Variants in CYP3A5 observed in about 807,000 individuals in gnomAD.
CYP3A5 encodes the protein cytochrome P450 family 3 subfamily A member 5.
A neutral mutation model predicts 55.9 loss-of-function variants in CYP3A5; 51 were observed. The observed-to-expected ratio is 0.91, with a 90% CI of 0.73 to 1.15. The LOEUF is 1.15. CYP3A5 is among the 50% of genes most tolerant of loss of function. CYP3A5 has a pLI of 0.00. For synonymous variants in CYP3A5, 196 were observed against 213.9 expected (o/e 0.92, Z 0.73); for missense variants, 533 against 596.6 (o/e 0.89, Z 1.11).
chr7:99,663,267 A>G, intron 8 of CYP3A5: 1 of 1,010,742 alleles, frequency 9.9e-7, no homozygotes, highest in Non-Finnish European at 1.2e-6. Flanking sequence ...GTCCGTATAG[A>G]TTAATCTCCT....
chr7:99,675,702 C>G (rs1159360724), intron 2 of CYP3A5, among the ~76,000 whole-genome samples: 1 of 31,124 alleles, frequency 3.2e-5, no homozygotes, highest in Admixed American at 3.9e-4. Flanking sequence ...CTCTCTCTCT[C>G]TTTCTTTCTT....
chr7:99,650,236 G>GT lies in CYP3A5; in HGVS notation c.1254-5dup. On this transcript the variant is annotated splice_region_variant and splice_polypyrimidine_tract_variant and intron_variant, in intron 11 of 12. Transcript: ENST00000222982. ...GCTGTCCTTCTTCTTACTGAACCTA[G>GT]TTCCATATTGGTAGATTAAATAGTT... The GT allele has an allele frequency of 6.2e-7, 1 of 1,612,378 alleles. No individual in the cohort carries two copies. The highest frequency in any genetic ancestry group is 8.5e-7 in the Non-Finnish European group (1 of 1,178,954).
intron 11 of CYP3A5, chr7:99,652,198 T>C (rs1044319317): frequency 6.7e-6 from 1 of 149,218 alleles, no homozygotes; most frequent in Non-Finnish European, 1.5e-5. Context: ...CATATATATG[T>C]ATATTTATAG....
chr7:99,662,887 A>T lies in CYP3A5; in HGVS notation c.799-5T>A. ...CTGAAGGAAATCTAGTCGGTGCTAG[A>T]AGCAAAAGGAGAGATTTCTTTGGCA... is the stretch of plus-strand genomic sequence containing the variant. On this transcript the variant is annotated splice_region_variant and splice_polypyrimidine_tract_variant and intron_variant, in intron 8 of 12. Coordinates refer to ENST00000222982, the MANE Select transcript of CYP3A5 (RefSeq NM_000777.5). This position sits in a 1 kb window ranked among gnomAD's most constrained non-coding sequence, Gnocchi z 4.3. The T allele has an allele frequency of 6.2e-7, 1 of 1,613,708 alleles. No homozygotes were observed. The highest frequency in any genetic ancestry group is 8.5e-7 in the Non-Finnish European group (1 of 1,179,736).
chr7:99,652,469 C>T (rs1809286876), intron 11 of CYP3A5, 84 bp downstream of exon 11: 9 of 832,450 alleles, frequency 1.1e-5, no homozygotes, highest in South Asian at 1.9e-5. Context: ...TACAACCACA[C>T]GATTGTCATG....
intron 10 of CYP3A5, among the ~76,000 whole-genome samples, chr7:99,658,616 TGAATGTTGG>T (rs1204695087): frequency 6.6e-6 from 1 of 152,226 alleles, no homozygotes; most frequent in Admixed American, 6.5e-5. Context: ...TTCCTGAATT[TGAATGTTGG>T]CCTGCCTTGC....
chr7:99,664,056 T>C lies in CYP3A5; in HGVS notation c.710A>G (p.Asn237Ser). ...PFLTPVFEAL[N>S]VSLFPKDTIN... ...GGTATCTTTTGGAAACAGAGAGACA[T>C]TTAATGCTTCAAAAACTGGGGTAAG... Residue 237 changes from asparagine (N) to serine (S), a missense_variant, in exon 8 of 13, where the codon AAT becomes AGT. Physicochemically the swap from Asn to Ser is conservative, Grantham distance 46. Transcript: ENST00000222982. 1 of 1,596,742 alleles carries C rather than the reference T, an allele frequency of 6.3e-7. No homozygotes were observed. Among genetic ancestry groups the C allele is most frequent in the Non-Finnish European group, 8.5e-7 (1 of 1,176,158 alleles).
At chr7:99,663,065 G>A in intron 8 of CYP3A5, 183 bp from the exon 9 acceptor site, 4 of 1,333,114 alleles carry the variant, frequency 3.0e-6, no homozygotes, top group Non-Finnish European at 9.7e-7. Context: ...TGGAAAGCAG[G>A]ATGTTTTCCT....
intron 4 of CYP3A5, chr7:99,671,939 A>G: frequency 2.9e-6 from 2 of 685,208 alleles, no homozygotes; most frequent in East Asian, 5.4e-5. Context: ...AAACAAGGGC[A>G]TGTAAAACTG....
intron 7 of CYP3A5, 46 bp from the exon 8 acceptor site, chr7:99,664,141 A>G (rs766168733): frequency 4.1e-5 from 59 of 1,441,132 alleles, no homozygotes; most frequent in East Asian, 1.4e-4. Context: ...TGAAAATGCA[A>G]ACTTTACCTG....
chr7:99,663,151 G>A lies in CYP3A5; in HGVS notation c.799-269C>T, dbSNP rs185958425. The stretch of plus-strand genomic sequence containing the variant: ...TGTTTCTCATCTTCTCTGTCTTTTG[G>A]ATACAGCTTTCTGGCCAAAGAGTTG... On this transcript the variant is annotated intron_variant, in intron 8 of 12. Transcript: ENST00000222982. 1.4e-5 allele frequency: 17 copies of A among 1,173,368 alleles called. 1 individual carries two copies. The African/African-American group carries it at 2.5e-4, about 17-fold the overall frequency. The allele number at this position is 1,173,368 out of a possible 1,614,324, so 72.7% of individuals were successfully genotyped here. A position where few individuals can be genotyped will look rare whatever the true frequency, so the allele number is the denominator to read the frequency against.
At chr7:99,656,493 T>C (rs780906532) in intron 10 of CYP3A5, among the ~76,000 whole-genome samples, 1 of 152,246 alleles carries the variant, frequency 6.6e-6, no homozygotes, top group Admixed American at 6.5e-5. Flanking sequence ...CAGTATTTTA[T>C]TGAGGATTTT....
At position 99,662,310 on chromosome 7, in the gene CYP3A5, C is replaced by A. The variant is rs1810532974; in HGVS notation, c.865+506G>T. 6.6e-6 allele frequency among the ~76,000 whole-genome samples: 1 copy of A among 152,172 alleles called. No individual in the cohort carries two copies. The highest frequency in any genetic ancestry group is 2.1e-4 in the South Asian group (1 of 4,824). On this transcript the variant is annotated intron_variant, in intron 9 of 12. Transcript: ENST00000222982. This position sits in a 1 kb window ranked among gnomAD's most constrained non-coding sequence, Gnocchi z 4.3. ...CCATGGGTCATAAAACTAGTAGATA[C>A]AAGACTGAAGATTGAAGTAGATTTA... is the stretch of plus-strand genomic sequence containing the variant.
intron 7 of CYP3A5, 111 bp from the exon 8 acceptor site, chr7:99,664,206 A>G (rs1810746540): frequency 1.1e-6 from 1 of 939,968 alleles, no homozygotes; most frequent in South Asian, 1.5e-5. Context: ...ATGATTCTCA[A>G]CTGGAACCCA....
chr7:99,673,983 G>T (rs80218044), intron 3 of CYP3A5, among the ~76,000 whole-genome samples: 1,561 of 152,272 alleles, frequency 0.01, 17 homozygotes, highest in Non-Finnish European at 0.015. Flanking sequence ...TTACAATAGC[G>T]AGTGTGAACT....
At chr7:99,673,025 GT>G in intron 3 of CYP3A5, 1 of 315,110 alleles carries the variant, frequency 3.2e-6, no homozygotes, top group Non-Finnish European at 4.8e-6. Flanking sequence ...TCTCCATAAT[GT>G]TTTATATGTT....
chr7:99,669,143 A>C (rs1194846717), intron 4 of CYP3A5, among the ~76,000 whole-genome samples: 5 of 152,224 alleles, frequency 3.3e-5, no homozygotes, highest in Non-Finnish European at 7.3e-5. Context: ...AACAAAAATT[A>C]TGGATGAAGG....
In CYP3A5 at chr7:99,664,075, G is replaced by T. The variant is rs1459394813; in HGVS notation, c.691C>A (p.Pro231Thr). Residue 231 changes from proline (P) to threonine (T), a missense_variant, in exon 8 of 13, where the codon CCA (proline) becomes ACA (threonine). Coordinates refer to ENST00000222982, the MANE Select transcript of CYP3A5 (RefSeq NM_000777.5). ...GAGACATTTAATGCTTCAAAAACTG[G>T]GGTAAGGAATGGAAAGAGTACTGTG... Reference protein sequence around the residue: ...LSIILFPFLTPVFEALNVSLF... With the variant: ...LSIILFPFLTTVFEALNVSLF... 1 of 1,589,594 alleles carries T rather than the reference G, an allele frequency of 6.3e-7. No homozygotes were observed. Among genetic ancestry groups the T allele is most frequent in the Non-Finnish European group, 8.5e-7 (1 of 1,174,014 alleles).
rs556571588 is a variant in CYP3A5 at position 99,653,806 on chromosome 7, G to C, written c.1027-1027C>G. Among the ~76,000 whole-genome samples, 2 of 152,320 alleles carry C rather than the reference G, an allele frequency of 1.3e-5. No homozygotes were observed. Among genetic ancestry groups the C allele is most frequent in the African/African-American group, 4.8e-5 (2 of 41,572 alleles). On this transcript the variant is annotated intron_variant, in intron 10 of 12. Transcript: ENST00000222982. The surrounding 1 kb of genome is among the most constrained non-coding windows in gnomAD (Gnocchi z 4.2). ...GAAAACTGTGGATGATATGTACCTA[G>C]CACTTGGTGTTATATTTGGGAGGCA... is the stretch of plus-strand genomic sequence containing the variant.
Sources: allele counts gnomAD v4.1 joint callset (sites outside exome capture counted in the v4.1 genomes callset), GRCh38; gene constraint gnomAD v4.1.1; non-coding constraint Gnocchi (gnomAD v3.1); transcripts MANE v1.5; gene names NCBI Gene and HGNC (gene_info 2026-07-23, HGNC 2026-07-21).